ATXN7L1: variants seen among roughly 807,000 people sequenced by gnomAD.
The protein encoded by ATXN7L1 is ataxin 7 like 1, also known as ataxin-7-like protein 1.
ATXN7L1 carries 15 observed loss-of-function variants against 70.8 expected under a neutral mutation model. The observed-to-expected ratio is 0.21, with a 90% confidence interval of 0.14 to 0.33. ATXN7L1 has a LOEUF of 0.33. Among genes scored for constraint, ATXN7L1 ranks in the 10% least tolerant of loss-of-function variants. ATXN7L1 has a pLI of 1.00. For missense variants in ATXN7L1, 975 were observed against 1,097.1 expected, an observed-to-expected ratio of 0.89 and a Z score of 1.57; for synonymous variants, 440 against 445.1, an observed-to-expected ratio of 0.99 and a Z score of 0.14.
At chr7:105,819,922 G>T (rs772222745) in intron 2 of ATXN7L1, 7 of 513,860 alleles carry the variant, frequency 1.4e-5, no homozygotes, top group Non-Finnish European at 2.7e-5. Context: ...GGCTCACGAG[G>T]TTTGCTGTAA....
chr7:105,671,086 G>A (rs534012500), intron 3 of ATXN7L1, among the ~76,000 whole-genome samples: 4 of 119,880 alleles, frequency 3.3e-5, no homozygotes, highest in East Asian at 5.8e-4. Context: ...CAGCCTGGGC[G>A]ACAGCGAGAC....
rs546547859 is a variant in ATXN7L1 at position 105,789,915 on chromosome 7, A to G, written c.251-1207T>C. On this transcript the variant is annotated intron_variant, in intron 2 of 11. Coordinates refer to ENST00000419735, the MANE Select transcript of ATXN7L1 (RefSeq NM_020725.2). ...ATAGCCAAAAAGTGGAAACAACCCA[A>G]ACACCCACCAATTGACGAGTGGATA... Among the ~76,000 whole-genome samples, 4 of 152,258 alleles carry G rather than the reference A, an allele frequency of 2.6e-5. No individual in the cohort carries two copies. The South Asian group carries it at 6.2e-4, about 24-fold the overall frequency.
intron 3 of ATXN7L1, among the ~76,000 whole-genome samples, chr7:105,669,776 G>T (rs1450029004): frequency 6.6e-6 from 1 of 152,046 alleles, no homozygotes; most frequent in Non-Finnish European, 1.5e-5. Context: ...AAAATTAGCT[G>T]GGCGTGGTGG....
In ATXN7L1 at chr7:105,606,825, T is replaced by C. The variant is rs1454601961; in HGVS notation, c.*1027A>G. 2.6e-5 allele frequency: 4 copies of C among 152,224 alleles called. No homozygotes were observed. The highest frequency in any genetic ancestry group is 6.5e-5 in the Admixed American group (1 of 15,282). 9.4% of individuals were successfully genotyped at this position (152,224 alleles called of 1,614,324 possible). A position where few individuals can be genotyped will look rare whatever the true frequency, so the allele number is the denominator to read the frequency against. Reference sequence around the variant, plus strand: ...TTATTCTGACAAAAGGTTTGACACATACCCTTTTGTGGAAGCTCTCCCTGG... The same window carrying C: ...TTATTCTGACAAAAGGTTTGACACACACCCTTTTGTGGAAGCTCTCCCTGG... On this transcript the variant is annotated 3_prime_UTR_variant, in exon 12 of 12. Transcript: ENST00000419735.
chr7:105,814,138 G>A (rs1808841364), intron 2 of ATXN7L1, among the ~76,000 whole-genome samples: 1 of 152,212 alleles, frequency 6.6e-6, no homozygotes, highest in Admixed American at 6.5e-5. Context: ...CAGGTGCTCA[G>A]ACCCTGCCCT....
intron 3 of ATXN7L1, among the ~76,000 whole-genome samples, chr7:105,763,969 C>A (rs540325810): frequency 1.4e-4 from 21 of 152,118 alleles, no homozygotes; most frequent in Admixed American, 5.2e-4. Flanking sequence ...TTCTCCTGCC[C>A]TAGCCTCCCA....
At position 105,835,149 on chromosome 7, in the gene ATXN7L1, GTTTTTTTT is replaced by G. The variant is rs10587073; in HGVS notation, c.250+40655_250+40662del. ...TTTTTTAATAATTTATAAGTGTGTG[GTTTTTTTT>G]TTTTTTTTTTTTTTTGAGAAAGGGT... On this transcript the variant is annotated intron_variant, in intron 2 of 11. Coordinates refer to ENST00000419735, the MANE Select transcript of ATXN7L1 (RefSeq NM_020725.2). 1.3e-4 allele frequency among the ~76,000 whole-genome samples: 9 copies of G among 67,336 alleles called. No individual in the cohort carries two copies. The Admixed American group carries it at 1.8e-3, about 14-fold the overall frequency. 44.2% of individuals were successfully genotyped at this position (67,336 alleles called of 152,430 possible).
At chr7:105,610,502 G>GGGGCA in intron 11 of ATXN7L1, 27 bp downstream of exon 11, 3 of 1,525,638 alleles carry the variant, frequency 2.0e-6, no homozygotes, top group Admixed American at 4.0e-5. Flanking sequence ...ATGAATTTTT[G>GGGGCA]CCCCACCCCC....
chr7:105,841,103 C>G (rs1346678302), intron 2 of ATXN7L1, among the ~76,000 whole-genome samples: 1 of 152,306 alleles, frequency 6.6e-6, no homozygotes, highest in Middle Eastern at 3.4e-3. Context: ...GAGCTTTGTG[C>G]GTGCTGCACA....
chr7:105,821,800 C>T (rs912481000), intron 2 of ATXN7L1, among the ~76,000 whole-genome samples: 1 of 152,244 alleles, frequency 6.6e-6, no homozygotes, highest in Non-Finnish European at 1.5e-5. Flanking sequence ...AAAGCAAGTG[C>T]GCAGTACAGT....
chr7:105,625,559 CT>C (rs1795581143), intron 7 of ATXN7L1, among the ~76,000 whole-genome samples: 2 of 152,134 alleles, frequency 1.3e-5, no homozygotes, highest in South Asian at 4.1e-4. Context: ...CTTCAATTTA[CT>C]TTTTGACAAG....
intron 2 of ATXN7L1, among the ~76,000 whole-genome samples, chr7:105,846,879 T>C (rs1421414810): frequency 6.6e-6 from 1 of 152,264 alleles, no homozygotes; most frequent in African/African-American, 2.4e-5. Context: ...ATTATATAAT[T>C]CCATTTATAC....
intron 4 of ATXN7L1, chr7:105,649,270 G>T: frequency 2.7e-6 from 2 of 753,586 alleles, no homozygotes; most frequent in Non-Finnish European, 3.2e-6. Flanking sequence ...GCTGCAGCCT[G>T]TTCCCCTGCT....
At chr7:105,729,293 GAATGAATGAATA>G (rs1433340936) in intron 3 of ATXN7L1, among the ~76,000 whole-genome samples, 1 of 130,124 alleles carries the variant, frequency 7.7e-6, no homozygotes, top group African/African-American at 3.2e-5. Context: ...ATGAATGAAT[GAATGAATGAATA>G]AATAAATAAA....
At chr7:105,658,072 T>G (rs544004909) in intron 4 of ATXN7L1, among the ~76,000 whole-genome samples, 1 of 152,288 alleles carries the variant, frequency 6.6e-6, no homozygotes, top group South Asian at 2.1e-4. Flanking sequence ...TATATTAGGT[T>G]AAAGAAAATA....
intron 3 of ATXN7L1, among the ~76,000 whole-genome samples, chr7:105,704,122 T>C (rs543031519): frequency 3.9e-5 from 6 of 152,150 alleles, no homozygotes; most frequent in African/African-American, 1.2e-4. Flanking sequence ...CCACTTTAGG[T>C]TGGTCCACAA....
intron 3 of ATXN7L1, among the ~76,000 whole-genome samples, chr7:105,683,568 A>T (rs760973001): frequency 6.6e-5 from 10 of 152,126 alleles, no homozygotes; most frequent in Non-Finnish European, 1.3e-4. Flanking sequence ...AATCCCAGAT[A>T]CTCAGGAGGC....
intron 4 of ATXN7L1, among the ~76,000 whole-genome samples, chr7:105,653,358 G>T (rs2020981): frequency 0.075 from 11,469 of 152,172 alleles, 880 homozygotes; most frequent in East Asian, 0.32. Context: ...TGAGGCAGGA[G>T]AATTGCTTGA....
At chr7:105,665,325 C>G (rs1416003529) in intron 3 of ATXN7L1, 37 bp from the exon 4 acceptor site, 1 of 1,502,254 alleles carries the variant, frequency 6.7e-7, no homozygotes, top group Non-Finnish European at 9.1e-7. Context: ...AGCACAGCAT[C>G]TGTAGCAGGT....
Sources: allele counts gnomAD v4.1 joint callset (sites outside exome capture counted in the v4.1 genomes callset), GRCh38; gene constraint gnomAD v4.1.1; transcripts MANE v1.5; gene names NCBI Gene and HGNC (gene_info 2026-07-23, HGNC 2026-07-21).